Variants in FSTL5 observed in about 807,000 individuals in gnomAD.
FSTL5 encodes follistatin-related protein 5.
FSTL5 carries 62 observed loss-of-function variants against 89.1 expected under a neutral mutation model. That is an observed-to-expected ratio of 0.70 (90% CI 0.57 to 0.86). FSTL5 has a LOEUF of 0.86. FSTL5 is among the 40% of genes least tolerant of loss of function. The pLI, the probability that FSTL5 is intolerant of heterozygous loss-of-function variation, is 0.00. For synonymous variants in FSTL5, 383 were observed against 346.2 expected, an observed-to-expected ratio of 1.11 and a Z score of -1.18; for missense variants, 1,057 against 1,001.6, an observed-to-expected ratio of 1.06 and a Z score of -0.75.
chr4:162,112,403 G>T (rs765307748), intron 1 of FSTL5, among the ~76,000 whole-genome samples: 5 of 151,986 alleles, frequency 3.3e-5, no homozygotes, highest in Non-Finnish European at 7.4e-5. Context: ...CCATCAGGCC[G>T]AATTAATGTT....
At chr4:161,500,275 C>T (rs1730251498) in intron 11 of FSTL5, 141 bp from the exon 12 acceptor site, 1 of 575,564 alleles carries the variant, frequency 1.7e-6, no homozygotes, top group Non-Finnish European at 3.1e-6. Context: ...CATATGGGAC[C>T]CTTACTGTAT....
At chr4:161,500,264 C>T in intron 11 of FSTL5, 130 bp from the exon 12 acceptor site, 2 of 586,990 alleles carry the variant, frequency 3.4e-6, no homozygotes, top group Middle Eastern at 4.5e-4. Context: ...ATAAAGCAAA[C>T]CATATGGGAC....
intron 4 of FSTL5, among the ~76,000 whole-genome samples, 163 bp downstream of exon 4, chr4:161,920,241 T>C (rs1221332210): frequency 2.0e-5 from 3 of 152,214 alleles, no homozygotes; most frequent in South Asian, 4.1e-4. Flanking sequence ...ATTGTTTCCA[T>C]GTAAATTTCC....
intron 13 of FSTL5, among the ~76,000 whole-genome samples, chr4:161,476,197 G>GTTTTTTTTTTTGTTTTT (rs757760575): frequency 3.7e-5 from 4 of 107,322 alleles, no homozygotes; most frequent in East Asian, 3.0e-4. Flanking sequence ...TTGTTTGTTT[G>GTTTTTTTTTTTGTTTTT]TTTTTTTGAG....
intron 4 of FSTL5, among the ~76,000 whole-genome samples, chr4:161,893,992 A>G (rs999265337): frequency 7.2e-5 from 11 of 152,206 alleles, no homozygotes; most frequent in Admixed American, 2.0e-4. Flanking sequence ...AATTTTGCCC[A>G]TTGTAGAAAC....
intron 13 of FSTL5, among the ~76,000 whole-genome samples, chr4:161,474,689 G>A (rs1349188563): frequency 6.6e-6 from 1 of 151,832 alleles, no homozygotes; most frequent in Non-Finnish European, 1.5e-5. Context: ...GGGACTACAG[G>A]CACCCGCCAC....
intron 8 of FSTL5, among the ~76,000 whole-genome samples, chr4:161,584,171 C>T (rs1733529544): frequency 6.6e-6 from 1 of 152,174 alleles, no homozygotes; most frequent in Non-Finnish European, 1.5e-5. Flanking sequence ...GATAATTATT[C>T]GACATGTCTT....
At chr4:161,919,077 A>G (rs1733919859) in intron 4 of FSTL5, among the ~76,000 whole-genome samples, 1 of 152,160 alleles carries the variant, frequency 6.6e-6, no homozygotes, top group South Asian at 2.1e-4. Context: ...TCATAGTGTC[A>G]AGTATCAGTG....
chr4:161,611,574 T>TA, intron 7 of FSTL5, among the ~76,000 whole-genome samples: 1 of 152,230 alleles, frequency 6.6e-6, no homozygotes, highest in South Asian at 2.1e-4. Context: ...TAAACACTAT[T>TA]CAAGGCACTG....
At chr4:161,564,215 G>A (rs1732718086) in intron 8 of FSTL5, among the ~76,000 whole-genome samples, 1 of 151,108 alleles carries the variant, frequency 6.6e-6, no homozygotes, top group South Asian at 2.1e-4. Flanking sequence ...TTATGCATGT[G>A]TATATATGCA....
chr4:161,447,240 T>C (rs768254259), intron 15 of FSTL5, among the ~76,000 whole-genome samples: 2 of 152,132 alleles, frequency 1.3e-5, no homozygotes, highest in African/African-American at 2.4e-5. Context: ...GTGTCTTTAT[T>C]AAATTACAGA....
At chr4:161,723,883 A>G (rs1378933459) in intron 6 of FSTL5, among the ~76,000 whole-genome samples, 2 of 152,190 alleles carry the variant, frequency 1.3e-5, no homozygotes, top group Non-Finnish European at 2.9e-5. Flanking sequence ...ATATTTGAAA[A>G]TAATTCTACA....
chr4:161,563,838 G>A (rs1055209937), intron 8 of FSTL5, among the ~76,000 whole-genome samples: 2 of 151,916 alleles, frequency 1.3e-5, no homozygotes, highest in African/African-American at 4.8e-5. Context: ...ATCTAAATTG[G>A]TTAGAAGTGC....
chr4:162,014,478 T>TA (rs201932930), intron 3 of FSTL5, among the ~76,000 whole-genome samples: 1,426 of 124,662 alleles, frequency 0.011, 15 homozygotes, highest in African/African-American at 0.034. Flanking sequence ...TGAAAAATAA[T>TA]AATTTAGATG....
chr4:161,792,678 G>T (rs527326275), intron 4 of FSTL5, among the ~76,000 whole-genome samples: 1 of 152,260 alleles, frequency 6.6e-6, no homozygotes, highest in Non-Finnish European at 1.5e-5. Flanking sequence ...TCCCCTGAGG[G>T]CTGCAGGCTC....
intron 2 of FSTL5, among the ~76,000 whole-genome samples, chr4:162,075,039 C>T (rs1729780640): frequency 6.6e-6 from 1 of 151,696 alleles, no homozygotes; most frequent in Admixed American, 6.6e-5. Flanking sequence ...CCCAAGCCCA[C>T]AAGGGTAGTT....
intron 4 of FSTL5, among the ~76,000 whole-genome samples, chr4:161,908,359 A>G (rs1025116761): frequency 6.6e-6 from 1 of 152,094 alleles, no homozygotes; most frequent in Non-Finnish European, 1.5e-5. Flanking sequence ...AACATACTTT[A>G]TCTTTCTAGA....
chr4:161,496,572 T>C (rs991347377), intron 12 of FSTL5, among the ~76,000 whole-genome samples: 1 of 152,078 alleles, frequency 6.6e-6, no homozygotes, highest in Non-Finnish European at 1.5e-5. Flanking sequence ...CTCTATGAAT[T>C]TAAGATTCAA....
At chr4:161,801,723 C>CATCATA (rs1560854060) in intron 4 of FSTL5, among the ~76,000 whole-genome samples, 1 of 150,292 alleles carries the variant, frequency 6.7e-6, no homozygotes, top group African/African-American at 2.4e-5. Context: ...AGCTAATACA[C>CATCATA]ATAATAATAA....
Sources: allele counts gnomAD v4.1 joint callset (sites outside exome capture counted in the v4.1 genomes callset), GRCh38; gene constraint gnomAD v4.1.1; transcripts MANE v1.5; gene names NCBI Gene and HGNC (gene_info 2026-07-23, HGNC 2026-07-21).